Variants in CSMD3 observed in about 807,000 individuals in gnomAD.
CSMD3 encodes CUB and Sushi multiple domains 3, also known as CUB and sushi domain-containing protein 3.
Under a neutral mutation model 435.2 loss-of-function variants are expected in CSMD3, and 177 were observed. That is an observed-to-expected ratio of 0.41 (90% CI 0.36 to 0.46). The LOEUF is 0.46. CSMD3 is among the 20% of genes least tolerant of loss of function. The pLI is 0.34. For synonymous variants in CSMD3, 1,656 were observed against 1,520.5 expected (o/e 1.09, Z -2.07); for missense variants, 4,265 against 4,504.6 (o/e 0.95, Z 1.52).
intron 4 of CSMD3, among the ~76,000 whole-genome samples, chr8:113,143,297 A>C (rs2091593644): frequency 6.6e-6 from 1 of 151,348 alleles, no homozygotes; most frequent in African/African-American, 2.4e-5. Context: ...CAGAATGGCT[A>C]AAATAAAAAA....
intron 68 of CSMD3, 104 bp downstream of exon 68, chr8:112,234,261 T>C (rs1813363297): frequency 4.2e-6 from 3 of 720,588 alleles, no homozygotes; most frequent in African/African-American, 1.8e-5. Context: ...TATATGTATG[T>C]GTATGTATTC....
chr8:112,731,291 AT>A (rs1264083844), intron 13 of CSMD3, among the ~76,000 whole-genome samples: 2 of 152,156 alleles, frequency 1.3e-5, no homozygotes, highest in East Asian at 3.9e-4. Context: ...AGTGATAGTC[AT>A]TTTTTAAAAA....
At chr8:112,594,572 A>G (rs1386712172) in intron 22 of CSMD3, among the ~76,000 whole-genome samples, 2 of 152,008 alleles carry the variant, frequency 1.3e-5, no homozygotes, top group Non-Finnish European at 2.9e-5. Context: ...GCAGGGCACA[A>G]ACAAAAAGAC....
intron 5 of CSMD3, among the ~76,000 whole-genome samples, chr8:113,098,132 G>C (rs1253332443): frequency 1.3e-5 from 2 of 151,856 alleles, no homozygotes; most frequent in African/African-American, 4.8e-5. Context: ...TCTTCACATG[G>C]CTTAAAAGAT....
intron 3 of CSMD3, among the ~76,000 whole-genome samples, chr8:113,179,667 T>TA (rs2092396041): frequency 6.6e-6 from 1 of 151,724 alleles, no homozygotes; most frequent in Admixed American, 6.6e-5. Flanking sequence ...AATTGCAGGC[T>TA]AAAAAATCCA....
intron 28 of CSMD3, among the ~76,000 whole-genome samples, chr8:112,508,383 C>T (rs966960245): frequency 1.3e-5 from 2 of 152,162 alleles, no homozygotes; most frequent in Non-Finnish European, 2.9e-5. Flanking sequence ...GACACAGACC[C>T]TACCAGTTCC....
intron 6 of CSMD3, among the ~76,000 whole-genome samples, chr8:112,992,663 G>A (rs1476747347): frequency 6.6e-6 from 1 of 151,802 alleles, no homozygotes; most frequent in Non-Finnish European, 1.5e-5. Flanking sequence ...TTACAGGTTT[G>A]TAGGCTATTG....
intron 5 of CSMD3, among the ~76,000 whole-genome samples, chr8:113,065,219 T>C (rs916701374): frequency 6.6e-6 from 1 of 152,124 alleles, no homozygotes; most frequent in Non-Finnish European, 1.5e-5. Flanking sequence ...ATTTCAGCCT[T>C]AGGTTGTGAC....
chr8:113,186,975 T>C (rs1364790759), intron 3 of CSMD3, among the ~76,000 whole-genome samples: 4 of 151,938 alleles, frequency 2.6e-5, no homozygotes, highest in East Asian at 3.9e-4. Flanking sequence ...ATATAACTGG[T>C]TCCCATTGGG....
intron 10 of CSMD3, among the ~76,000 whole-genome samples, chr8:112,878,415 A>ATGCTGG (rs2081351580): frequency 6.6e-6 from 1 of 152,188 alleles, no homozygotes; most frequent in Non-Finnish European, 1.5e-5. Flanking sequence ...GTCAGGAAAC[A>ATGCTGG]ACAGATGCTG....
intron 35 of CSMD3, among the ~76,000 whole-genome samples, chr8:112,400,706 A>C (rs1416278241): frequency 3.9e-5 from 6 of 152,172 alleles, no homozygotes; most frequent in African/African-American, 1.4e-4. Flanking sequence ...CATAGGCTTT[A>C]GTTCCTGGTG....
At chr8:112,547,151 C>T (rs1292417956) in intron 27 of CSMD3, among the ~76,000 whole-genome samples, 1 of 152,118 alleles carries the variant, frequency 6.6e-6, no homozygotes, top group Non-Finnish European at 1.5e-5. Context: ...TTTGTAGGAG[C>T]ATCCTGGTTT....
At position 112,224,199 on chromosome 8, in the gene CSMD3, C is replaced by T. The variant is rs1210694327; in HGVS notation, c.*572G>A. On this transcript the variant is annotated 3_prime_UTR_variant, in exon 71 of 71. Coordinates refer to ENST00000297405, the MANE Select transcript of CSMD3 (RefSeq NM_198123.2). ...GAAAGATTCAAATTGGAATGGGAAA[C>T]CTTATGTCTTCCGAGGCATAAACTA... 1.9e-5 allele frequency: 3 copies of T among 154,786 alleles called. No homozygotes were observed. The East Asian group carries it at 5.7e-4, about 29-fold the overall frequency. 9.6% of individuals were successfully genotyped at this position (154,786 alleles called of 1,614,324 possible). A position where few individuals can be genotyped will look rare whatever the true frequency, so the allele number is the denominator to read the frequency against.
At chr8:113,289,496 CGA>C (rs779811130) in intron 2 of CSMD3, among the ~76,000 whole-genome samples, 1 of 144,030 alleles carries the variant, frequency 6.9e-6, no homozygotes, top group Non-Finnish European at 1.5e-5. Flanking sequence ...AAATTATGAC[CGA>C]GAGAGAGGTG....
intron 12 of CSMD3, among the ~76,000 whole-genome samples, chr8:112,822,459 T>C (rs978564057): frequency 1.3e-5 from 2 of 152,100 alleles, no homozygotes; most frequent in African/African-American, 4.8e-5. Context: ...TGCTTGTCTA[T>C]TGTTGGCGTA....
At chr8:112,661,471 G>A (rs1285530016) in intron 17 of CSMD3, among the ~76,000 whole-genome samples, 4 of 152,134 alleles carry the variant, frequency 2.6e-5, no homozygotes, top group African/African-American at 9.6e-5. Context: ...AAATGTCAGA[G>A]TACGGATGCC....
intron 3 of CSMD3, among the ~76,000 whole-genome samples, chr8:113,241,806 C>T (rs2093220998): frequency 6.6e-6 from 1 of 151,860 alleles, no homozygotes; most frequent in Non-Finnish European, 1.5e-5. Context: ...TCTATCTTGT[C>T]CTCTGACACA....
chr8:112,972,292 T>C (rs554166102), intron 7 of CSMD3, among the ~76,000 whole-genome samples: 1 of 152,078 alleles, frequency 6.6e-6, no homozygotes, highest in South Asian at 2.1e-4. Context: ...TAGCATGAAC[T>C]TGCAGACATC....
intron 59 of CSMD3, among the ~76,000 whole-genome samples, chr8:112,279,945 C>A (rs1818464630): frequency 6.6e-6 from 1 of 152,078 alleles, no homozygotes; most frequent in African/African-American, 2.4e-5. Flanking sequence ...TGCACACAAA[C>A]TTTGCATGCA....
Sources: allele counts gnomAD v4.1 joint callset (sites outside exome capture counted in the v4.1 genomes callset), GRCh38; gene constraint gnomAD v4.1.1; transcripts MANE v1.5; gene names NCBI Gene and HGNC (gene_info 2026-07-23, HGNC 2026-07-21).